The following CEP44 variants were observed in gnomAD, a reference collection of about 807,000 sequenced individuals.
CEP44 encodes centrosomal protein 44.
Under a neutral mutation model 46.7 loss-of-function variants are expected in CEP44, and 45 were observed. The ratio of observed to expected loss-of-function variants is 0.96; its 90% CI spans 0.76 to 1.24. The LOEUF (loss-of-function observed/expected upper bound fraction) is 1.24. CEP44 is among the 50% of genes most tolerant of loss of function. CEP44 has a pLI of 0.00. For synonymous variants in CEP44, 142 were observed against 146.0 expected (o/e 0.97, Z 0.20); for missense variants, 475 against 459.7 (o/e 1.03, Z -0.30).
chr4:174,318,019 T>A lies in CEP44; in HGVS notation c.*636T>A, dbSNP rs142068147. On this transcript the variant is annotated 3_prime_UTR_variant, in exon 12 of 12. Coordinates refer to ENST00000503780, the MANE Select transcript of CEP44 (RefSeq NM_001040157.3). ...GACCAAGAGGACTATGGTCTCAAGGTTCACCATGAGAAATGTGTTGAACAT... is the reference window on the plus strand; with the variant it reads ...GACCAAGAGGACTATGGTCTCAAGGATCACCATGAGAAATGTGTTGAACAT... 3 of 985,362 alleles carry A rather than the reference T, an allele frequency of 3.0e-6. No homozygotes were observed. Among genetic ancestry groups the A allele is most frequent in the African/African-American group, 3.5e-5 (2 of 57,364 alleles). The allele number at this position is 985,362 out of a possible 1,614,324, so 61.0% of individuals were successfully genotyped here. A position where few individuals can be genotyped will look rare whatever the true frequency, so the allele number is the denominator to read the frequency against.
At chr4:174,315,215 A>G (rs6553780) in intron 9 of CEP44, among the ~76,000 whole-genome samples, 106,391 of 151,550 alleles carry the variant, frequency 0.7, 37,549 homozygotes, top group East Asian at 0.74. Context: ...ATGTGAACCA[A>G]TTTAAATGGG....
chr4:174,308,890 C>G, intron 7 of CEP44, 31 bp downstream of exon 7: 2 of 1,590,500 alleles, frequency 1.3e-6, no homozygotes, highest in Non-Finnish European at 1.7e-6. Flanking sequence ...AAATAGATGC[C>G]AGTATTTTTT....
At position 174,316,536 on chromosome 4, in the gene CEP44, A is replaced by G. The variant is rs1579154775; in HGVS notation, c.1093A>G (p.Thr365Ala). ...CGLNEISEETTIQKMERMKKM... is the reference protein window; with the variant it reads ...CGLNEISEETAIQKMERMKKM... ...GTTGCTTTTTAAATTAAAGGAAACAACAATCCAGAAAATGGAAAGGATGAA... is the reference window on the plus strand; with the variant it reads ...GTTGCTTTTTAAATTAAAGGAAACAGCAATCCAGAAAATGGAAAGGATGAA... The change falls in exon 11 of 12, where the codon ACA becomes GCA. Residue 365 changes from threonine to alanine, a missense_variant. Coordinates refer to ENST00000503780, the MANE Select transcript of CEP44 (RefSeq NM_001040157.3). 1 of 1,588,038 alleles carries G rather than the reference A, an allele frequency of 6.3e-7. No homozygotes were observed. Among genetic ancestry groups the G allele is most frequent in the South Asian group, 1.2e-5 (1 of 86,828 alleles).
chr4:174,317,829 A>G lies in CEP44; in HGVS notation c.*446A>G. The G allele has an allele frequency of 2.0e-6, 2 of 985,944 alleles. No individual in the cohort carries two copies. Among genetic ancestry groups the G allele is most frequent in the Non-Finnish European group, 2.4e-6 (2 of 829,992 alleles). The allele number at this position is 985,944 out of a possible 1,614,324, so 61.1% of individuals were successfully genotyped here. Reference sequence around the variant, plus strand: ...CATCTGTACTGATGAATAAGTTATAATGAACAGTTAAAAATGCTCATTGAA... The same window carrying G: ...CATCTGTACTGATGAATAAGTTATAGTGAACAGTTAAAAATGCTCATTGAA... On this transcript the variant is annotated 3_prime_UTR_variant, in exon 12 of 12. Transcript: ENST00000503780.
intron 9 of CEP44, among the ~76,000 whole-genome samples, 155 bp from the exon 10 acceptor site, chr4:174,316,011 G>A (rs2126664096): frequency 6.6e-6 from 1 of 152,172 alleles, no homozygotes; most frequent in Admixed American, 6.5e-5. Flanking sequence ...CCATATGAAA[G>A]CTGTTACCTT....
chr4:174,294,810 C>G (rs527850557), intron 1 of CEP44, among the ~76,000 whole-genome samples: 1 of 137,450 alleles, frequency 7.3e-6, no homozygotes, highest in Non-Finnish European at 1.6e-5. Flanking sequence ...GGGGGCTGAC[C>G]CCCCCACCTC....
rs1741235351 is a variant in CEP44 at position 174,312,841 on chromosome 4, G to T, written c.961+1983G>T. 6.6e-6 allele frequency among the ~76,000 whole-genome samples: 1 copy of T among 152,076 alleles called. No homozygotes were observed. Among genetic ancestry groups the T allele is most frequent in the Non-Finnish European group, 1.5e-5 (1 of 68,000 alleles). ...CAGAGAGCAATAATTTACTACTCTG[G>T]GTTTAGGATCATATTAAATCAGGAA... On this transcript the variant is annotated intron_variant, in intron 9 of 11. Transcript: ENST00000503780. This position sits in a 1 kb window ranked among gnomAD's most constrained non-coding sequence, Gnocchi z 4.5.
In CEP44 at chr4:174,326,234, G is replaced by A. The variant is rs1301765095; in HGVS notation, c.1087-5248G>A. ...ATCCTGTGTGTGTATGTGTGTGTGT[G>A]TGTCTGTGTGTGTGTCTGTGTGTTT... On this transcript the variant is annotated intron_variant, in intron 8 of 8. Coordinates refer to the CEP44 transcript ENST00000426172. The surrounding 1 kb of genome is among the most constrained non-coding windows in gnomAD (Gnocchi z 4.8). 6.6e-6 allele frequency among the ~76,000 whole-genome samples: 1 copy of A among 151,406 alleles called. No homozygotes were observed. The highest frequency in any genetic ancestry group is 1.5e-5 in the Non-Finnish European group (1 of 67,846).
chr4:174,286,984 C>T lies in CEP44; in HGVS notation c.-148+3041C>T, dbSNP rs1737648897. 6.6e-6 allele frequency among the ~76,000 whole-genome samples: 1 copy of T among 152,058 alleles called. No individual in the cohort carries two copies. The highest frequency in any genetic ancestry group is 2.4e-5 in the African/African-American group (1 of 41,410). On this transcript the variant is annotated intron_variant, in intron 1 of 11. Coordinates refer to ENST00000503780, the MANE Select transcript of CEP44 (RefSeq NM_001040157.3). This position sits in a 1 kb window ranked among gnomAD's most constrained non-coding sequence, Gnocchi z 5.2. ...AGCATAGATATTTTGAATTTCTTGC[C>T]TTTTTTTCTGTGTTCACCTTTTCTT...
At chr4:174,313,011 G>A (rs1741256684) in intron 9 of CEP44, among the ~76,000 whole-genome samples, 1 of 152,124 alleles carries the variant, frequency 6.6e-6, no homozygotes, top group African/African-American at 2.4e-5. Flanking sequence ...ATTTTGGAGA[G>A]GGTTTGAGGA....
At chr4:174,313,351 G>T (rs1340305797) in intron 9 of CEP44, among the ~76,000 whole-genome samples, 1 of 149,506 alleles carries the variant, frequency 6.7e-6, no homozygotes, top group African/African-American at 2.5e-5. Context: ...TGTTTGTTTC[G>T]CTTTGTTTTG....
chr4:174,321,395 A>AT (rs200176829), downstream of CEP44, among the ~76,000 whole-genome samples: 750 of 152,020 alleles, frequency 4.9e-3, 8 homozygotes, highest in African/African-American at 0.017. Context: ...TAGTTAAATG[A>AT]TTTTTTTTCC....
chr4:174,297,911 C>T lies in CEP44; in HGVS notation c.-147-55C>T, dbSNP rs1739243922. The T allele has an allele frequency of 6.6e-6, 1 of 152,092 alleles. No homozygotes were observed. Among genetic ancestry groups the T allele is most frequent in the Non-Finnish European group, 1.5e-5 (1 of 68,062 alleles). The allele number at this position is 152,092 out of a possible 1,614,324, so 9.4% of individuals were successfully genotyped here. Reference sequence around the variant, plus strand: ...TAGGGTTAGCTGCTTCTTATGTAGACTCTCAAATAATCATTCTTATTTCAG... The same window carrying T: ...TAGGGTTAGCTGCTTCTTATGTAGATTCTCAAATAATCATTCTTATTTCAG... On this transcript the variant is annotated intron_variant, in intron 1 of 11. Transcript: ENST00000503780. The surrounding 1 kb of genome is among the most constrained non-coding windows in gnomAD (Gnocchi z 4.3).
Position 174,310,919 on chromosome 4 carries a change from G to C in CEP44, c.961+61G>C. 1.3e-6 allele frequency: 1 copy of C among 774,172 alleles called. No individual in the cohort carries two copies. Among genetic ancestry groups the C allele is most frequent in the South Asian group, 1.7e-5 (1 of 59,860 alleles). The allele number at this position is 774,172 out of a possible 1,614,324, so 48.0% of individuals were successfully genotyped here. ...AGTTTTCAGAAAAATGATTGTTATA[G>C]TAATTTTAATATTCTTAAGCTTTAT... On this transcript the variant is annotated intron_variant, in intron 9 of 11. Coordinates refer to ENST00000503780, the MANE Select transcript of CEP44 (RefSeq NM_001040157.3). This position sits in a 1 kb window ranked among gnomAD's most constrained non-coding sequence, Gnocchi z 4.2.
intron 1 of CEP44, chr4:174,285,674 G>T (rs1242193312): frequency 6.6e-6 from 1 of 152,196 alleles, no homozygotes; most frequent in East Asian, 1.9e-4. Flanking sequence ...GAAAGACATA[G>T]AATTTACATT....
chr4:174,285,895 C>T (rs1045908623), intron 1 of CEP44, among the ~76,000 whole-genome samples: 7 of 152,218 alleles, frequency 4.6e-5, no homozygotes, highest in Non-Finnish European at 7.3e-5. Flanking sequence ...GTGTGTCCAT[C>T]TACCCCCAGT....
intron 8 of CEP44, among the ~76,000 whole-genome samples, chr4:174,327,589 ATTG>A (rs1731037471): frequency 6.6e-6 from 1 of 152,088 alleles, no homozygotes; most frequent in Admixed American, 6.6e-5. Flanking sequence ...TTTTATAGCA[ATTG>A]TTGTAGGGCA....
In CEP44 at chr4:174,318,735, A is replaced by G. The variant is rs1329678883; in HGVS notation, c.*1352A>G. The G allele has an allele frequency of 1.4e-5, 11 of 784,990 alleles. No homozygotes were observed. The highest frequency in any genetic ancestry group is 1.9e-5 in the African/African-American group (1 of 52,912). The allele number at this position is 784,990 out of a possible 1,614,324, so 48.6% of individuals were successfully genotyped here. ...TGTTATATGAGTAGAAATCACTTAA[A>G]TTTTTTTTGTGTTTGTGAATTTGAA... is the stretch of plus-strand genomic sequence containing the variant. On this transcript the variant is annotated 3_prime_UTR_variant, in exon 12 of 12. Transcript: ENST00000503780.
chr4:174,304,511 A>T, intron 6 of CEP44, 142 bp downstream of exon 6: 3 of 1,128,242 alleles, frequency 2.7e-6, no homozygotes, highest in Non-Finnish European at 3.7e-6. Flanking sequence ...TGCATGCCAT[A>T]TATTTTTGGG....
Sources: gnomAD v4.1 joint callset for allele counts (sites outside exome capture counted in the v4.1 genomes callset) on GRCh38, gnomAD v4.1.1 for gene constraint, Gnocchi (gnomAD v3.1) non-coding constraint, MANE v1.5 for transcripts, NCBI Gene and HGNC (gene_info 2026-07-23, HGNC 2026-07-21) for gene names.